LRRC4C: variants seen among roughly 807,000 people sequenced by gnomAD.
LRRC4C encodes leucine rich repeat containing 4C.
A neutral mutation model predicts 33.6 loss-of-function variants in LRRC4C; 5 were observed. The ratio of observed to expected loss-of-function variants is 0.15; its 90% confidence interval spans 0.08 to 0.31. LRRC4C has a LOEUF of 0.31. Ranked by LOEUF, LRRC4C falls within the 10% of genes least tolerant of loss-of-function variation. LRRC4C has a pLI of 1.00. For missense variants in LRRC4C, 560 were observed against 796.7 expected, an observed-to-expected ratio of 0.70 and a Z score of 3.58; for synonymous variants, 329 against 302.0, an observed-to-expected ratio of 1.09 and a Z score of -0.93.
intron 5 of LRRC4C, among the ~76,000 whole-genome samples, chr11:40,230,238 A>G (rs1865105215): frequency 2.0e-5 from 3 of 152,240 alleles, no homozygotes; most frequent in African/African-American, 7.2e-5. Flanking sequence ...GTTAAAGAGA[A>G]GAAACATTTT....
At chr11:41,453,361 G>T (rs1010725712) in intron 1 of LRRC4C, among the ~76,000 whole-genome samples, 1 of 152,110 alleles carries the variant, frequency 6.6e-6, no homozygotes, top group African/African-American at 2.4e-5. Flanking sequence ...GGGACCCATT[G>T]GTTCAGAGAA....
intron 3 of LRRC4C, among the ~76,000 whole-genome samples, chr11:40,520,439 GTTATTAATTAGCCTAAT>G (rs1360766503): frequency 6.6e-6 from 1 of 152,112 alleles, no homozygotes; most frequent in African/African-American, 2.4e-5. Flanking sequence ...TTATTGAAGG[GTTATTAATTAGCCTAAT>G]TTAAATATTA....
chr11:40,246,061 C>A (rs1262744897), intron 4 of LRRC4C, among the ~76,000 whole-genome samples: 1 of 150,840 alleles, frequency 6.6e-6, no homozygotes, highest in Non-Finnish European at 1.5e-5. Context: ...GCAACCTCTG[C>A]CTCCTGGGTT....
intron 3 of LRRC4C, among the ~76,000 whole-genome samples, chr11:40,495,297 C>A (rs10837425): frequency 0.35 from 52,704 of 151,838 alleles, 9,860 homozygotes; most frequent in East Asian, 0.58. Flanking sequence ...CTCCGCCCCC[C>A]CCGCCAGAAA....
At chr11:41,403,130 T>G (rs1467385858) in intron 1 of LRRC4C, among the ~76,000 whole-genome samples, 1 of 152,076 alleles carries the variant, frequency 6.6e-6, no homozygotes, top group Non-Finnish European at 1.5e-5. Flanking sequence ...GCCAGATAAT[T>G]GAGGATTTTG....
At chr11:41,166,958 C>T (rs540003572) in intron 1 of LRRC4C, among the ~76,000 whole-genome samples, 1 of 152,100 alleles carries the variant, frequency 6.6e-6, no homozygotes, top group Admixed American at 6.6e-5. Flanking sequence ...AGGCTAAATG[C>T]CATGCCTAAA....
chr11:40,401,848 G>GGTGTGTGCATGTGT (rs1279208582), intron 3 of LRRC4C, among the ~76,000 whole-genome samples: 3 of 151,996 alleles, frequency 2.0e-5, no homozygotes, highest in Non-Finnish European at 2.9e-5. Flanking sequence ...GCTTTTCTAT[G>GGTGTGTGCATGTGT]GTGTGTGCAT....
intron 2 of LRRC4C, among the ~76,000 whole-genome samples, chr11:40,659,494 G>C (rs563605496): frequency 1.6e-4 from 25 of 152,226 alleles, no homozygotes; most frequent in Admixed American, 1.1e-3. Context: ...GCTTTTTCCA[G>C]CCTGCCCTTG....
chr11:40,708,018 T>G (rs1281142671), intron 2 of LRRC4C, among the ~76,000 whole-genome samples: 1 of 152,234 alleles, frequency 6.6e-6, no homozygotes, highest in African/African-American at 2.4e-5. Context: ...TATAGTATTC[T>G]CTGATGGTAG....
chr11:40,221,732 C>T (rs1864433047), intron 5 of LRRC4C, among the ~76,000 whole-genome samples: 1 of 152,154 alleles, frequency 6.6e-6, no homozygotes, highest in Non-Finnish European at 1.5e-5. Flanking sequence ...AGATTAAAGA[C>T]ATTGTATAGA....
intron 3 of LRRC4C, among the ~76,000 whole-genome samples, chr11:40,341,853 G>A (rs528283722): frequency 5.1e-4 from 77 of 152,076 alleles, no homozygotes; most frequent in Middle Eastern, 3.4e-3. Context: ...AATATAAATC[G>A]ATGTTCCTTG....
chr11:40,943,566 G>A (rs75886695), intron 1 of LRRC4C, among the ~76,000 whole-genome samples: 12,841 of 152,060 alleles, frequency 0.084, 739 homozygotes, highest in African/African-American at 0.15. Flanking sequence ...CCCCAAGAGA[G>A]GTTTTTATTC....
intron 1 of LRRC4C, among the ~76,000 whole-genome samples, chr11:41,154,452 T>A (rs1379278445): frequency 6.6e-6 from 1 of 152,136 alleles, no homozygotes; most frequent in East Asian, 1.9e-4. Flanking sequence ...ATTTTAAAAA[T>A]TTATTTCTCT....
intron 1 of LRRC4C, among the ~76,000 whole-genome samples, chr11:41,284,676 ACAAT>A (rs1949769241): frequency 6.6e-6 from 1 of 152,172 alleles, no homozygotes; most frequent in Non-Finnish European, 1.5e-5. Context: ...CCTTATTCTT[ACAAT>A]CAATCAGTCA....
At chr11:40,949,835 C>T (rs1375850785) in intron 1 of LRRC4C, among the ~76,000 whole-genome samples, 1 of 151,912 alleles carries the variant, frequency 6.6e-6, no homozygotes, top group South Asian at 2.1e-4. Context: ...CAGCTAACAT[C>T]ATAATGACAG....
At chr11:41,350,373 T>A (rs918979008) in intron 1 of LRRC4C, among the ~76,000 whole-genome samples, 2 of 151,280 alleles carry the variant, frequency 1.3e-5, no homozygotes, top group African/African-American at 4.8e-5. Flanking sequence ...AGCCGGGCGT[T>A]GTGGCGGGCG....
Position 40,421,499 on chromosome 11 carries a change from C to T in LRRC4C, c.-269-101778G>A, listed in dbSNP as rs1950523640. Among the ~76,000 whole-genome samples, 3 of 152,178 alleles carry T rather than the reference C, an allele frequency of 2.0e-5. 1 individual carries two copies. Among genetic ancestry groups the T allele is most frequent in the Admixed American group, 2.0e-4 (3 of 15,286 alleles). Reference sequence around the variant, plus strand: ...ATGACAGGCACAGCAGAATGGTTGGCAGTTCAAATAGGCATGGAGACCCTT... The same window carrying T: ...ATGACAGGCACAGCAGAATGGTTGGTAGTTCAAATAGGCATGGAGACCCTT... On this transcript the variant is annotated intron_variant, in intron 3 of 6. Coordinates refer to ENST00000528697, the MANE Select transcript of LRRC4C (RefSeq NM_001258419.2).
At chr11:41,085,530 C>T (rs193057708) in intron 1 of LRRC4C, among the ~76,000 whole-genome samples, 55 of 152,154 alleles carry the variant, frequency 3.6e-4, no homozygotes, top group Non-Finnish European at 5.9e-4. Context: ...ATAACTATCA[C>T]GTAGTGTTGT....
chr11:40,467,161 A>C (rs967981123), intron 3 of LRRC4C, among the ~76,000 whole-genome samples: 2 of 152,130 alleles, frequency 1.3e-5, no homozygotes, highest in African/African-American at 2.4e-5. Flanking sequence ...GCCTCAGTGA[A>C]GGTGAGTTGA....
Sources: allele counts gnomAD v4.1 joint callset (sites outside exome capture counted in the v4.1 genomes callset), GRCh38; gene constraint gnomAD v4.1.1; transcripts MANE v1.5; gene names NCBI Gene and HGNC (gene_info 2026-07-23, HGNC 2026-07-21).